MAP2K6: variants seen among roughly 807,000 people sequenced by gnomAD.
MAP2K6 encodes mitogen-activated protein kinase kinase 6, also known as dual specificity mitogen-activated protein kinase kinase 6.
A neutral mutation model predicts 53.7 loss-of-function variants in MAP2K6; 16 were observed. That is an observed-to-expected ratio of 0.30 (90% CI 0.20 to 0.45). The LOEUF is 0.45. MAP2K6 is among the 20% of genes least tolerant of loss of function. The pLI, the probability that MAP2K6 is intolerant of heterozygous loss-of-function variation, is 1.00. For missense variants in MAP2K6, 204 were observed against 411.9 expected (o/e 0.50, Z 4.37); for synonymous variants, 132 against 143.1 (o/e 0.92, Z 0.55).
chr17:69,507,930 T>C (rs75932347), intron 2 of MAP2K6, among the ~76,000 whole-genome samples: 1 of 152,170 alleles, frequency 6.6e-6, no homozygotes, highest in Non-Finnish European at 1.5e-5. Flanking sequence ...TACCATTTTA[T>C]GTTCTCAGCA....
Position 69,480,401 on chromosome 17 carries a change from C to T in MAP2K6, c.17-25379C>T, listed in dbSNP as rs201188090. Among the ~76,000 whole-genome samples the T allele has an allele frequency of 1.7e-4, 26 of 152,318 alleles. No individual in the cohort carries two copies. In the East Asian group the frequency reaches 4.0e-3, roughly 24 times the overall value. ...AACAGGACTCTCCACAGTCTTACCC[C>T]GGGGACTAGTTTCAGCTTTTCAGAG... On this transcript the variant is annotated intron_variant, in intron 1 of 11. Transcript: ENST00000590474.
At chr17:69,434,406 A>G (rs942899122) in intron 1 of MAP2K6, 4 of 152,124 alleles carry the variant, frequency 2.6e-5, no homozygotes, top group Admixed American at 6.5e-5. Context: ...GGCTCTCCCC[A>G]TTGGCCTCTT....
At chr17:69,534,134 T>C (rs1039527622) in intron 10 of MAP2K6, among the ~76,000 whole-genome samples, 1 of 152,178 alleles carries the variant, frequency 6.6e-6, no homozygotes, top group Non-Finnish European at 1.5e-5. Flanking sequence ...TGCCACCAGA[T>C]GTAACAACCA....
At chr17:69,524,838 A>T in intron 8 of MAP2K6, 63 bp from the exon 9 acceptor site, 4 of 1,270,666 alleles carry the variant, frequency 3.1e-6, no homozygotes, top group Non-Finnish European at 4.6e-6. Flanking sequence ...CCCAGAGACT[A>T]TTGAGCTAAG....
chr17:69,465,723 G>A (rs1296976109), intron 1 of MAP2K6, among the ~76,000 whole-genome samples: 1 of 151,424 alleles, frequency 6.6e-6, no homozygotes, highest in African/African-American at 2.4e-5. Context: ...GAGTTCAAGA[G>A]ATTTTCCTGC....
chr17:69,506,191 CTACTA>C (rs1224156383), intron 2 of MAP2K6, among the ~76,000 whole-genome samples: 1 of 152,174 alleles, frequency 6.6e-6, no homozygotes, highest in African/African-American at 2.4e-5. Context: ...GTGAAAGCCA[CTACTA>C]TAAAACTTGG....
intron 1 of MAP2K6, among the ~76,000 whole-genome samples, chr17:69,460,822 A>G (rs1907601357): frequency 6.6e-6 from 1 of 152,100 alleles, no homozygotes; most frequent in South Asian, 2.1e-4. Context: ...CTGATTTTGA[A>G]TTCCTGGGCT....
At chr17:69,449,589 C>CTTTCTTTT (rs1907128959) in intron 1 of MAP2K6, among the ~76,000 whole-genome samples, 1 of 80,576 alleles carries the variant, frequency 1.2e-5, no homozygotes, top group Non-Finnish European at 2.8e-5. Flanking sequence ...TTCTTTCTTT[C>CTTTCTTTT]TTTTTCTTTC....
At chr17:69,512,629 G>A (rs1033936758) in intron 2 of MAP2K6, among the ~76,000 whole-genome samples, 5 of 152,002 alleles carry the variant, frequency 3.3e-5, no homozygotes, top group Admixed American at 1.3e-4. Context: ...GAGCCACTGC[G>A]CCCGGCCTGA....
rs1300768221 is a variant in MAP2K6, at chr17:69,520,406, T to G, written c.483+20T>G. ...GTTTCTGTGAGTACATTTTGATCCC[T>G]ACTGCAAGGATAATGTGAGAAATAA... On this transcript the variant is annotated intron_variant, in intron 6 of 11. Transcript: ENST00000590474. The G allele has an allele frequency of 3.6e-6, 5 of 1,392,022 alleles. No homozygotes were observed. Among genetic ancestry groups the G allele is most frequent in the Non-Finnish European group, 5.1e-6 (5 of 989,828 alleles). The allele number at this position is 1,392,022 out of a possible 1,614,324, so 86.2% of individuals were successfully genotyped here. A position where few individuals can be genotyped will look rare whatever the true frequency, so the allele number is the denominator to read the frequency against.
At chr17:69,463,274 G>A (rs1156605937) in intron 1 of MAP2K6, among the ~76,000 whole-genome samples, 1 of 150,480 alleles carries the variant, frequency 6.6e-6, no homozygotes, top group African/African-American at 2.4e-5. Context: ...ATATGTATGT[G>A]TGTATATATA....
intron 1 of MAP2K6, among the ~76,000 whole-genome samples, chr17:69,418,876 C>CAAAA (rs11412079): frequency 6.7e-6 from 1 of 148,938 alleles, no homozygotes; most frequent in Non-Finnish European, 1.5e-5. Flanking sequence ...TTTATTATTG[C>CAAAA]AAAAAAAAAA....
rs79486100 is a variant in MAP2K6 at position 69,515,953 on chromosome 17, T to C, written c.84-902T>C. Among the ~76,000 whole-genome samples, 924 of 152,312 alleles carry C rather than the reference T, an allele frequency of 6.1e-3. 18 individuals carry two copies. The highest frequency in any genetic ancestry group is 0.021 in the African/African-American group (874 of 41,568). On this transcript the variant is annotated intron_variant, in intron 2 of 11. Transcript: ENST00000590474. Reference sequence around the variant, plus strand: ...GTGAAATAATTACATATATTGGTGCTCTTGGGTGAAAGAAAAAGCTTGAGA... The same window carrying C: ...GTGAAATAATTACATATATTGGTGCCCTTGGGTGAAAGAAAAAGCTTGAGA...
At chr17:69,464,538 C>T (rs1907732889) in intron 1 of MAP2K6, among the ~76,000 whole-genome samples, 1 of 152,048 alleles carries the variant, frequency 6.6e-6, no homozygotes, top group Non-Finnish European at 1.5e-5. Context: ...TGCGCCGCCA[C>T]GCCTGGCTAA....
chr17:69,485,564 G>A, intron 1 of MAP2K6: 1 of 511,334 alleles, frequency 2.0e-6, no homozygotes, highest in Non-Finnish European at 2.5e-6. Flanking sequence ...GCTTCATGCT[G>A]CTTAGGACCC....
chr17:69,502,648 G>A, intron 1 of MAP2K6: 1 of 985,450 alleles, frequency 1.0e-6, no homozygotes, highest in Non-Finnish European at 1.2e-6. Context: ...CTGGAGACAG[G>A]AGGCTGGCAA....
At chr17:69,531,834 C>G (rs1178371176) in intron 10 of MAP2K6, among the ~76,000 whole-genome samples, 1 of 152,018 alleles carries the variant, frequency 6.6e-6, no homozygotes, top group African/African-American at 2.4e-5. Flanking sequence ...TTGTGTTGAC[C>G]ATGTCAGCCT....
chr17:69,449,558 TTTA>T (rs1907119698), intron 1 of MAP2K6, among the ~76,000 whole-genome samples: 17 of 84,920 alleles, frequency 2.0e-4, no homozygotes, highest in African/African-American at 2.6e-4. Flanking sequence ...TCTTTCTTTC[TTTA>T]TTTCTTTCTT....
At chr17:69,501,225 C>T (rs566654453) in intron 1 of MAP2K6, among the ~76,000 whole-genome samples, 14 of 152,300 alleles carry the variant, frequency 9.2e-5, no homozygotes, top group East Asian at 1.9e-4. Context: ...CTCTCATAGT[C>T]GTGCCCCCAA....
Sources: allele counts gnomAD v4.1 joint callset (sites outside exome capture counted in the v4.1 genomes callset), GRCh38; gene constraint gnomAD v4.1.1; transcripts MANE v1.5; gene names NCBI Gene and HGNC (gene_info 2026-07-23, HGNC 2026-07-21).